CD84: variants seen among roughly 807,000 people sequenced by gnomAD.
CD84 encodes CD84 molecule.
A neutral mutation model predicts 33.8 loss-of-function variants in CD84; 22 were observed. That is an observed-to-expected ratio of 0.65 (90% CI 0.46 to 0.93). The LOEUF (loss-of-function observed/expected upper bound fraction) is 0.93, where lower values mean the gene tolerates loss of function less well. Among genes scored for constraint, CD84 ranks in the 40% least tolerant of loss-of-function variants. CD84 has a pLI of 0.00. For missense variants in CD84, 400 were observed against 397.6 expected (o/e 1.01, Z -0.05); for synonymous variants, 154 against 145.2 (o/e 1.06, Z -0.44).
rs181642728 is a variant in CD84, at chr1:160,547,384, T to C, written c.*872A>G. The stretch of plus-strand genomic sequence containing the variant: ...TACTGGGCATGGCTGCTTCTTCTGC[T>C]GAGGCTGCTTGGAGTGATACAGAAG... On this transcript the variant is annotated 3_prime_UTR_variant, in exon 7 of 7. Coordinates refer to ENST00000368054, the MANE Select transcript of CD84 (RefSeq NM_003874.4). The C allele has an allele frequency of 4.3e-4, 170 of 393,450 alleles. No individual in the cohort carries two copies. Among genetic ancestry groups the C allele is most frequent in the African/African-American group, 3.2e-3 (156 of 48,644 alleles). The allele number at this position is 393,450 out of a possible 1,614,324, so 24.4% of individuals were successfully genotyped here.
intron 6 of CD84, among the ~76,000 whole-genome samples, chr1:160,549,051 C>T (rs553697908): frequency 1.3e-5 from 2 of 151,996 alleles, no homozygotes; most frequent in Non-Finnish European, 2.9e-5. Context: ...CCCTCCTTCC[C>T]TCTCCTGATC....
chr1:160,557,142 G>A lies in CD84; in HGVS notation c.389-2996C>T, dbSNP rs975813583. 3.3e-5 allele frequency among the ~76,000 whole-genome samples: 5 copies of A among 152,156 alleles called. No homozygotes were observed. In the South Asian group the frequency reaches 6.2e-4, roughly 19 times the overall value. On this transcript the variant is annotated intron_variant, in intron 2 of 6. Transcript: ENST00000368054. ...TATCTCATTTAATACCATCAATTAC[G>A]ATCTACATTCTATAAGTGAGGAAAC...
intron 2 of CD84, among the ~76,000 whole-genome samples, chr1:160,557,834 C>G (rs1656702792): frequency 6.6e-6 from 1 of 152,182 alleles, no homozygotes; most frequent in African/African-American, 2.4e-5. Context: ...TTGGAGAGTT[C>G]AAATGATCTG....
chr1:160,579,352 A>G (rs754196889), intron 1 of CD84, 40 bp downstream of exon 1: 1 of 1,612,594 alleles, frequency 6.2e-7, no homozygotes, highest in Non-Finnish European at 8.5e-7. Context: ...TTAAAACTTT[A>G]TGGAAAACTA....
At position 160,544,496 on chromosome 1, in the gene CD84, T is replaced by C. The variant is rs1655712590; in HGVS notation, c.*3760A>G. 6.6e-6 allele frequency: 1 copy of C among 151,980 alleles called. No homozygotes were observed. The allele number at this position is 151,980 out of a possible 1,614,324, so 9.4% of individuals were successfully genotyped here. On this transcript the variant is annotated 3_prime_UTR_variant, in exon 7 of 7. Coordinates refer to ENST00000368054, the MANE Select transcript of CD84 (RefSeq NM_003874.4). The stretch of plus-strand genomic sequence containing the variant: ...ACACTGTCACTAATTATTGAGAAAA[T>C]TTATACAAATCAAGGGAAATTCAGA...
chr1:160,577,587 G>A (rs1473950147), intron 1 of CD84, among the ~76,000 whole-genome samples: 1 of 152,112 alleles, frequency 6.6e-6, no homozygotes, highest in Non-Finnish European at 1.5e-5. Context: ...CTTTTCTCCT[G>A]TTTATGTTCC....
chr1:160,570,760 G>T (rs1402563282), intron 1 of CD84, among the ~76,000 whole-genome samples: 4 of 152,180 alleles, frequency 2.6e-5, no homozygotes, highest in Non-Finnish European at 5.9e-5. Context: ...TGCCCAGGAG[G>T]CTGAGATGAG....
rs558826600 is a variant in CD84 at position 160,566,719 on chromosome 1, A to G, written c.47-974T>C. 2.0e-5 allele frequency among the ~76,000 whole-genome samples: 3 copies of G among 152,336 alleles called. No homozygotes were observed. In the East Asian group the frequency reaches 5.8e-4, roughly 29 times the overall value. On this transcript the variant is annotated intron_variant, in intron 1 of 6. Transcript: ENST00000368054. The stretch of plus-strand genomic sequence containing the variant: ...GATAGGCACAAAATATGTAAGCATT[A>G]TGGTGATTTGAGAGAGACCAGCAAG...
rs1039371149 is a variant in CD84 at position 160,553,462 on chromosome 1, A to G, written c.676T>C (p.Leu226=). 2 of 1,613,966 alleles carry G rather than the reference A, an allele frequency of 1.2e-6. No individual in the cohort carries two copies. Among genetic ancestry groups the G allele is most frequent in the African/African-American group, 2.7e-5 (2 of 74,924 alleles). The change falls in exon 4 of 7, where the codon TTG becomes CTG. Residue 226 remains leucine, a synonymous_variant. Transcript: ENST00000368054. ...AAGAACATAGCCAGCACGCTCAGCAACCCGGTGTGGTGAGTACGGAAGCCC... is the reference window on the plus strand; with the variant it reads ...AAGAACATAGCCAGCACGCTCAGCAGCCCGGTGTGGTGAGTACGGAAGCCC... ...AMGFRTHHTG[L]LSVLAMFFLL...
chr1:160,558,060 C>T (rs1181664113), intron 2 of CD84, among the ~76,000 whole-genome samples: 1 of 152,238 alleles, frequency 6.6e-6, no homozygotes, highest in African/African-American at 2.4e-5. Flanking sequence ...AGCCTGCTGG[C>T]TTTGGAGAGT....
intron 2 of CD84, among the ~76,000 whole-genome samples, chr1:160,558,920 C>CAAGAAAA: frequency 6.6e-6 from 1 of 151,142 alleles, no homozygotes; most frequent in Admixed American, 6.6e-5. Flanking sequence ...GACAGGCAGA[C>CAAGAAAA]AAGAAAAAAG....
At chr1:160,562,982 T>A (rs1195150870) in intron 2 of CD84, among the ~76,000 whole-genome samples, 1 of 151,812 alleles carries the variant, frequency 6.6e-6, no homozygotes, top group Non-Finnish European at 1.5e-5. Flanking sequence ...AACAAACATG[T>A]GAAAAAAAGC....
chr1:160,575,014 A>C lies in CD84; in HGVS notation c.46+4378T>G, dbSNP rs192337386. 4.6e-5 allele frequency among the ~76,000 whole-genome samples: 7 copies of C among 152,308 alleles called. No homozygotes were observed. In the East Asian group the frequency reaches 1.3e-3, roughly 29 times the overall value. On this transcript the variant is annotated intron_variant, in intron 1 of 6. Coordinates refer to ENST00000368054, the MANE Select transcript of CD84 (RefSeq NM_003874.4). ...TGGGGAGATGTTAAAGTCAGCAAGT[A>C]GCTATTAATAAGAGTGGAAATGGGG...
At chr1:160,554,265 A>T in intron 2 of CD84, 119 bp from the exon 3 acceptor site, 7 of 1,021,180 alleles carry the variant, frequency 6.9e-6, no homozygotes, top group Non-Finnish European at 9.1e-6. Flanking sequence ...AATTATAAAA[A>T]CATAATTAAA....
chr1:160,572,349 A>G (rs1055234765), intron 1 of CD84, among the ~76,000 whole-genome samples: 5 of 152,162 alleles, frequency 3.3e-5, no homozygotes, highest in African/African-American at 1.2e-4. Flanking sequence ...AGGAGGCAAG[A>G]GTGGGACCAG....
intron 2 of CD84, among the ~76,000 whole-genome samples, chr1:160,557,826 G>A (rs1217280948): frequency 6.6e-6 from 1 of 152,114 alleles, no homozygotes; most frequent in Non-Finnish European, 1.5e-5. Context: ...TACCAGCTTT[G>A]GAGAGTTCAA....
intron 5 of CD84, among the ~76,000 whole-genome samples, chr1:160,550,195 G>C (rs74124859): frequency 6.6e-6 from 1 of 151,838 alleles, no homozygotes; most frequent in Non-Finnish European, 1.5e-5. Context: ...GCAGGGTCTC[G>C]GGGGTGAAAA....
chr1:160,557,482 T>A (rs537074729), intron 2 of CD84, among the ~76,000 whole-genome samples: 1 of 152,352 alleles, frequency 6.6e-6, no homozygotes, highest in Non-Finnish European at 1.5e-5. Context: ...GTGACCTATA[T>A]ACCTGAATTG....
chr1:160,550,118 T>C, intron 5 of CD84, 139 bp from the exon 6 acceptor site: 1 of 695,064 alleles, frequency 1.4e-6, no homozygotes, highest in Non-Finnish European at 2.6e-6. Flanking sequence ...CAGTTCTGCC[T>C]CCATCCAACT....
Sources: allele counts gnomAD v4.1 joint callset (sites outside exome capture counted in the v4.1 genomes callset), GRCh38; gene constraint gnomAD v4.1.1; transcripts MANE v1.5; gene names NCBI Gene and HGNC (gene_info 2026-07-23, HGNC 2026-07-21).